The following FOXP1 variants were observed in gnomAD, a reference collection of about 807,000 sequenced individuals.
FOXP1 encodes the protein forkhead box protein P1.
FOXP1 carries 15 observed loss-of-function variants against 98.2 expected under a neutral mutation model. That is an observed-to-expected ratio of 0.15 (90% CI 0.10 to 0.24). FOXP1 has a LOEUF of 0.24. FOXP1 is among the 10% of genes least tolerant of loss of function. The probability of loss-of-function intolerance (pLI) is 1.00; values close to 1 mark genes in which losing one functional copy is unlikely to be tolerated. For missense variants in FOXP1, 633 were observed against 848.5 expected (o/e 0.75, Z 3.15); for synonymous variants, 371 against 314.5 (o/e 1.18, Z -1.90).
At chr3:71,027,908 G>T (rs533825325) in intron 11 of FOXP1, among the ~76,000 whole-genome samples, 335 of 152,262 alleles carry the variant, frequency 2.2e-3, no homozygotes, top group African/African-American at 7.3e-3. Context: ...GCAACTTTAA[G>T]TAAGTTCTCA....
At chr3:71,137,593 A>T (rs976077742) in intron 6 of FOXP1, among the ~76,000 whole-genome samples, 6 of 152,078 alleles carry the variant, frequency 3.9e-5, no homozygotes, top group African/African-American at 1.2e-4. Flanking sequence ...TTGTGGCTCC[A>T]GTTTGGGAGT....
intron 3 of FOXP1, among the ~76,000 whole-genome samples, chr3:71,418,617 G>C (rs1313597909): frequency 6.6e-6 from 1 of 152,154 alleles, no homozygotes; most frequent in African/African-American, 2.4e-5. Context: ...ATTAGTAACT[G>C]TCAGAACCAA....
chr3:71,045,680 A>C (rs2048926038), intron 10 of FOXP1, among the ~76,000 whole-genome samples: 1 of 152,170 alleles, frequency 6.6e-6, no homozygotes. Flanking sequence ...AGAGAAGTTA[A>C]GAGGAAAAAG....
At chr3:70,977,794 C>T in intron 15 of FOXP1, 34 bp downstream of exon 15, 1 of 1,612,070 alleles carries the variant, frequency 6.2e-7, no homozygotes, top group South Asian at 1.1e-5. Flanking sequence ...TTGCAGATTA[C>T]AACTCTACGT....
chr3:71,155,357 C>T (rs2060770197), intron 6 of FOXP1, among the ~76,000 whole-genome samples: 1 of 152,154 alleles, frequency 6.6e-6, no homozygotes, highest in African/African-American at 2.4e-5. Context: ...TTAGTAGCTG[C>T]ACTTAAAAAT....
intron 3 of FOXP1, among the ~76,000 whole-genome samples, chr3:71,403,041 A>G (rs182422561): frequency 3.3e-5 from 5 of 152,344 alleles, no homozygotes; most frequent in Admixed American, 2.0e-4. Flanking sequence ...TCGTCAGATA[A>G]GAGATTGTAT....
At chr3:71,396,418 T>C (rs1234282483) in intron 3 of FOXP1, among the ~76,000 whole-genome samples, 1 of 152,068 alleles carries the variant, frequency 6.6e-6, no homozygotes, top group East Asian at 1.9e-4. Context: ...ATTTTGTAAA[T>C]GAGGAAACTG....
intron 3 of FOXP1, among the ~76,000 whole-genome samples, chr3:71,402,044 GGCTC>G (rs2081988494): frequency 6.6e-6 from 1 of 152,320 alleles, no homozygotes; most frequent in Non-Finnish European, 1.5e-5. Flanking sequence ...AGTTGTGGCA[GGCTC>G]TGAACTGGGG....
At chr3:71,397,646 T>C (rs192828677) in intron 3 of FOXP1, among the ~76,000 whole-genome samples, 10 of 152,318 alleles carry the variant, frequency 6.6e-5, no homozygotes, top group Admixed American at 6.5e-4. Flanking sequence ...TGCAGTACTA[T>C]GGGAGAAAAC....
At chr3:71,296,257 A>T (rs1380380346) in intron 5 of FOXP1, 1 of 152,154 alleles carries the variant, frequency 6.6e-6, no homozygotes, top group Non-Finnish European at 1.5e-5. Flanking sequence ...ATTTACTGAG[A>T]AGCTCCTGGC....
chr3:71,323,212 G>A (rs1278325159), intron 4 of FOXP1, among the ~76,000 whole-genome samples: 2 of 151,992 alleles, frequency 1.3e-5, no homozygotes, highest in Non-Finnish European at 2.9e-5. Context: ...CTCATGATCC[G>A]CCCGCCTCGG....
intron 7 of FOXP1, among the ~76,000 whole-genome samples, chr3:71,108,380 G>A (rs1314928046): frequency 6.6e-6 from 1 of 152,202 alleles, no homozygotes; most frequent in Non-Finnish European, 1.5e-5. Context: ...AGCCAGTAAA[G>A]TTACGCATTT....
chr3:71,348,522 CGTGTGTGTGTGTGTGTGTGTGTGTGT>C (rs772944612), intron 4 of FOXP1, among the ~76,000 whole-genome samples: 1 of 69,924 alleles, frequency 1.4e-5, no homozygotes, highest in Non-Finnish European at 3.7e-5. Flanking sequence ...TGTGTGTGTG[CGTGTGTGTGTGTGTGTGTGTGTGTGT>C]GCGTGCGCGC....
chr3:71,273,733 A>G (rs1430956047), intron 5 of FOXP1, among the ~76,000 whole-genome samples: 2 of 152,184 alleles, frequency 1.3e-5, no homozygotes, highest in African/African-American at 2.4e-5. Context: ...AGGGAGAGAA[A>G]TAAATAACAA....
chr3:71,151,721 C>T (rs9829152), intron 6 of FOXP1, among the ~76,000 whole-genome samples: 16,797 of 148,298 alleles, frequency 0.11, 1,097 homozygotes, highest in East Asian at 0.18. Context: ...ATACCTTGCA[C>T]GGAAAATCTG....
intron 5 of FOXP1, among the ~76,000 whole-genome samples, chr3:71,280,618 C>T (rs1470012499): frequency 1.3e-5 from 2 of 152,108 alleles, no homozygotes; most frequent in South Asian, 2.1e-4. Flanking sequence ...GCCACCATGC[C>T]CAGCCTACAA....
At chr3:71,552,337 A>G (rs960230647) in intron 2 of FOXP1, among the ~76,000 whole-genome samples, 1 of 152,148 alleles carries the variant, frequency 6.6e-6, no homozygotes, top group Non-Finnish European at 1.5e-5. Context: ...AACTATGTAC[A>G]TATTAAAAAT....
chr3:71,289,388 G>A (rs1480015512), intron 5 of FOXP1, among the ~76,000 whole-genome samples: 2 of 151,758 alleles, frequency 1.3e-5, no homozygotes, highest in Non-Finnish European at 2.9e-5. Flanking sequence ...TGTCACCCAG[G>A]CTGGAGTGAA....
intron 7 of FOXP1, among the ~76,000 whole-genome samples, chr3:71,074,086 A>G (rs1331878154): frequency 6.6e-6 from 1 of 152,242 alleles, no homozygotes; most frequent in East Asian, 1.9e-4. Context: ...AAGATGGCTG[A>G]GAAATACAGC....
Sources: gnomAD v4.1 joint callset for allele counts (sites outside exome capture counted in the v4.1 genomes callset) on GRCh38, gnomAD v4.1.1 for gene constraint, MANE v1.5 for transcripts, NCBI Gene and HGNC (gene_info 2026-07-23, HGNC 2026-07-21) for gene names.